HSF4: variants seen among roughly 807,000 people sequenced by gnomAD.
HSF4 encodes heat shock transcription factor 4, also known as heat shock factor protein 4.
Under a neutral mutation model 52.0 loss-of-function variants are expected in HSF4, and 41 were observed. That is an observed-to-expected ratio of 0.79 (90% CI 0.61 to 1.02). The LOEUF is 1.02. HSF4 is among the 50% of genes least tolerant of loss of function. The pLI, the probability that HSF4 is intolerant of heterozygous loss-of-function variation, is 0.00. For synonymous variants in HSF4, 285 were observed against 273.0 expected (o/e 1.04, Z -0.43); for missense variants, 610 against 651.1 (o/e 0.94, Z 0.69).
In HSF4 at chr16:67,168,832, G is replaced by A; in HGVS notation, c.1084G>A (p.Gly362Arg). Residue 362 changes from glycine to arginine, a missense_variant and splice_region_variant, in exon 10 of 13, where the codon GGG (glycine) becomes AGG (arginine). Physicochemically the swap from Gly to Arg is moderately radical, Grantham distance 125. Coordinates refer to ENST00000521374, the MANE Select transcript of HSF4 (RefSeq NM_001374675.1). ...CCAAAAGCAGTTCTGTCTGCACAGGGGGCCTCTGGGCCTGGAAAGCGGGGA... is the reference window on the plus strand; with the variant it reads ...CCAAAAGCAGTTCTGTCTGCACAGGAGGCCTCTGGGCCTGGAAAGCGGGGA... ...PGDPREIPDR[G>R]PLGLESGDRS... The A allele has an allele frequency of 6.2e-7, 1 of 1,613,182 alleles. No homozygotes were observed. Among genetic ancestry groups the A allele is most frequent in the Admixed American group, 1.7e-5 (1 of 60,022 alleles).
chr16:67,167,140 G>A lies in HSF4; in HGVS notation c.647G>A (p.Gly216Glu), dbSNP rs757241471. 2 of 1,614,146 alleles carry A rather than the reference G, an allele frequency of 1.2e-6. No homozygotes were observed. Among genetic ancestry groups the A allele is most frequent in the Non-Finnish European group, 1.7e-6 (2 of 1,179,994 alleles). Residue 216 changes from glycine (G) to glutamate (E), a missense_variant, in exon 7 of 13, where the codon GGG becomes GAG. By Grantham distance (98) the Gly-to-Glu change is moderately conservative. Coordinates refer to ENST00000521374, the MANE Select transcript of HSF4 (RefSeq NM_001374675.1). The part of the protein sequence containing the change: ...KRKLSLMLDE[G>E]SSCPTPAKFN... ...CACAGGTCCCTGATGCTGGATGAGG[G>A]GAGCTCATGCCCAACACCTGCCAAG...
At chr16:67,164,563 A>ACCCCCCCCCCCCCCCCCC, upstream of HSF4, 1 of 209,978 alleles carries the variant, frequency 4.8e-6, no homozygotes, top group Non-Finnish European at 9.7e-6. Context: ...ACCCCACCCC[A>ACCCCCCCCCCCCCCCCCC]CCCCACTCCA....
upstream of HSF4, chr16:67,163,984 G>T (rs1385553409): frequency 6.1e-5 from 63 of 1,036,878 alleles, no homozygotes; most frequent in East Asian, 1.6e-3. Flanking sequence ...AGTCCTGGGC[G>T]CCCTGAGACC....
At position 67,167,766 on chromosome 16, in the gene HSF4, G is replaced by T. The variant is rs1161182194; in HGVS notation, c.901G>T (p.Gly301Trp). 3 of 1,605,178 alleles carry T rather than the reference G, an allele frequency of 1.9e-6. No individual in the cohort carries two copies. Among genetic ancestry groups the T allele is most frequent in the Non-Finnish European group, 8.5e-7 (1 of 1,176,344 alleles). Residue 301 changes from glycine to tryptophan, a missense_variant, in exon 9 of 13, where the codon GGG (glycine) becomes TGG (tryptophan). Physicochemically the swap from Gly to Trp is radical, Grantham distance 184 (BLOSUM62 -2). Coordinates refer to ENST00000521374, the MANE Select transcript of HSF4 (RefSeq NM_001374675.1). The stretch of plus-strand genomic sequence containing the variant: ...CAAAGAAGAGCCGGCCAGTCCAGGG[G>T]GGGATGGCGAGGCCGGGCTGGCCCT... Reference protein sequence around the residue: ...LLKEEPASPGGDGEAGLALAP... With the variant: ...LLKEEPASPGWDGEAGLALAP...
At position 67,168,948 on chromosome 16, in the gene HSF4, T is replaced by G. The variant is rs973020718; in HGVS notation, c.1188+12T>G. ...CAGGGCCTCTAGATGTGAGTACCCC[T>G]TCTGCTGAAACAGGGGCATGAGACC... On this transcript the variant is annotated intron_variant, in intron 10 of 12. Transcript: ENST00000521374. 1 of 1,613,528 alleles carries G rather than the reference T, an allele frequency of 6.2e-7. No homozygotes were observed. Among genetic ancestry groups the G allele is most frequent in the African/African-American group, 1.3e-5 (1 of 75,020 alleles).
At position 67,167,234 on chromosome 16, in the gene HSF4, T is replaced by C. The variant is rs2031371789; in HGVS notation, c.729+12T>C. 2 of 1,614,092 alleles carry C rather than the reference T, an allele frequency of 1.2e-6. No homozygotes were observed. Among genetic ancestry groups the C allele is most frequent in the Non-Finnish European group, 8.5e-7 (1 of 1,180,006 alleles). On this transcript the variant is annotated intron_variant, in intron 7 of 12. Coordinates refer to ENST00000521374, the MANE Select transcript of HSF4 (RefSeq NM_001374675.1). ...ACTTCATCCAGTCGGTAGGTTTGTC[T>C]TCTTCCCCCTTCCCAAGGGCATGGC...
chr16:67,166,481 C>T, intron 5 of HSF4, 77 bp from the exon 6 acceptor site: 1 of 1,599,458 alleles, frequency 6.3e-7, no homozygotes, highest in Non-Finnish European at 8.6e-7. Context: ...CCTGTTAAGC[C>T]TTCCTCCCTC....
rs796371471 is a variant in HSF4 at position 67,165,161 on chromosome 16, G to C, written c.123+227G>C. 1.7e-6 allele frequency: 1 copy of C among 602,488 alleles called. No homozygotes were observed. Among genetic ancestry groups the C allele is most frequent in the Non-Finnish European group, 2.9e-6 (1 of 341,858 alleles). The allele number at this position is 602,488 out of a possible 1,614,324, so 37.3% of individuals were successfully genotyped here. ...GACCTAGAGTCCGAGGGACCTTCGA[G>C]GCCATTTAGTTCCCACCCTACCCCA... On this transcript the variant is annotated intron_variant, in intron 1 of 12. Transcript: ENST00000521374. The surrounding 1 kb of genome is among the most constrained non-coding windows in gnomAD (Gnocchi z 6.9).
rs755973098 is a variant in HSF4 at position 67,165,639 on chromosome 16, C to T, written c.232+9C>T. 2.5e-6 allele frequency: 4 copies of T among 1,612,714 alleles called. No individual in the cohort carries two copies. Among genetic ancestry groups the T allele is most frequent in the African/African-American group, 1.3e-5 (1 of 74,934 alleles). Reference sequence around the variant, plus strand: ...GCGCCAACTCAACATGTGTGAGTCCCTACGGCCGGGCGGGGAGCGGGGATG... The same window carrying T: ...GCGCCAACTCAACATGTGTGAGTCCTTACGGCCGGGCGGGGAGCGGGGATG... On this transcript the variant is annotated intron_variant, in intron 2 of 12. Coordinates refer to ENST00000521374, the MANE Select transcript of HSF4 (RefSeq NM_001374675.1). The surrounding 1 kb of genome is among the most constrained non-coding windows in gnomAD (Gnocchi z 6.9).
In HSF4 at chr16:67,169,479, G is replaced by A; in HGVS notation, c.1324+131G>A. On this transcript the variant is annotated intron_variant, in intron 12 of 12. Transcript: ENST00000521374. This position sits in a 1 kb window ranked among gnomAD's most constrained non-coding sequence, Gnocchi z 4.3. The stretch of plus-strand genomic sequence containing the variant: ...GGCTGCACTGCAGAGCGTTCCTTGA[G>A]CCACCCATGCCCTCACCATTGGGCG... 2 of 1,573,710 alleles carry A rather than the reference G, an allele frequency of 1.3e-6. No homozygotes were observed. The highest frequency in any genetic ancestry group is 1.7e-6 in the Non-Finnish European group (2 of 1,163,616).
rs746400816 is a variant in HSF4, at chr16:67,165,835, G to A, written c.349G>A (p.Val117Met). ...VRGREQLLER[V>M]RRKVPALRGD... is the part of the protein sequence containing the mutation. Reference sequence around the variant, plus strand: ...CGGCCGCGAGCAGCTACTGGAGCGCGTGCGGCGCAAGGTGGGGGCGGCCTG... The same window carrying A: ...CGGCCGCGAGCAGCTACTGGAGCGCATGCGGCGCAAGGTGGGGGCGGCCTG... Residue 117 changes from valine to methionine, a missense_variant, in exon 3 of 13, where the codon GTG becomes ATG. Val to Met is a conservative substitution (Grantham distance 21). Coordinates refer to ENST00000521374, the MANE Select transcript of HSF4 (RefSeq NM_001374675.1). This position sits in a 1 kb window ranked among gnomAD's most constrained non-coding sequence, Gnocchi z 6.9. The A allele has an allele frequency of 6.9e-6, 11 of 1,604,816 alleles. No homozygotes were observed. The highest frequency in any genetic ancestry group is 9.3e-6 in the Non-Finnish European group (11 of 1,179,138).
At chr16:67,166,155 C>G (rs1189499226) in intron 4 of HSF4, 85 bp downstream of exon 4, 1 of 1,437,460 alleles carries the variant, frequency 7.0e-7, no homozygotes, top group Non-Finnish European at 9.4e-7. Flanking sequence ...TTCTGGGCAG[C>G]CCCTTCCTCT....
chr16:67,163,763 CTATACCCT>C (rs757171481), upstream of HSF4: 1 of 1,585,674 alleles, frequency 6.3e-7, no homozygotes, highest in Non-Finnish European at 8.5e-7. Context: ...GCCTGCGCAC[CTATACCCT>C]CAAGCTCACG....
In HSF4 at chr16:67,164,853, C is replaced by T; in HGVS notation, c.42C>T (p.Pro14=). The T allele has an allele frequency of 1.2e-6, 2 of 1,605,442 alleles. No individual in the cohort carries two copies. The highest frequency in any genetic ancestry group is 1.1e-5 in the South Asian group (1 of 90,456). ...APAALPTEPG[P]SPVPAFLGKL... ...CTGCGCTGCCCACGGAGCCAGGCCC[C>T]AGCCCCGTGCCTGCCTTCCTCGGCA... Residue 14 remains proline, a synonymous_variant, in exon 1 of 13, where the codon CCC becomes CCT. Transcript: ENST00000521374.
rs2031188848 is a variant in HSF4 at position 67,165,463 on chromosome 16, G to A, written c.124-59G>A. 2 of 1,475,990 alleles carry A rather than the reference G, an allele frequency of 1.4e-6. No homozygotes were observed. The highest frequency in any genetic ancestry group is 1.1e-5 in the South Asian group (1 of 88,320). The allele number at this position is 1,475,990 out of a possible 1,614,324, so 91.4% of individuals were successfully genotyped here. The stretch of plus-strand genomic sequence containing the variant: ...CTGGAGCGCAGGACTGGCCGTGAGC[G>A]GGCACCGCTCACCCTCCTGGTCTCC... On this transcript the variant is annotated intron_variant, in intron 1 of 12. Coordinates refer to ENST00000521374, the MANE Select transcript of HSF4 (RefSeq NM_001374675.1). This position sits in a 1 kb window ranked among gnomAD's most constrained non-coding sequence, Gnocchi z 6.9.
Position 67,165,139 on chromosome 16 carries a change from C to A in HSF4, c.123+205C>A, listed in dbSNP as rs1019788516. The stretch of plus-strand genomic sequence containing the variant: ...GGTTAGGAGCCTGCCTTCTGAAGAC[C>A]TAGAGTCCGAGGGACCTTCGAGGCC... On this transcript the variant is annotated intron_variant, in intron 1 of 12. Transcript: ENST00000521374. This position sits in a 1 kb window ranked among gnomAD's most constrained non-coding sequence, Gnocchi z 6.9. 1 of 626,476 alleles carries A rather than the reference C, an allele frequency of 1.6e-6. No homozygotes were observed. The highest frequency in any genetic ancestry group is 2.8e-6 in the Non-Finnish European group (1 of 363,156). The allele number at this position is 626,476 out of a possible 1,614,324, so 38.8% of individuals were successfully genotyped here. A position where few individuals can be genotyped will look rare whatever the true frequency, so the allele number is the denominator to read the frequency against.
chr16:67,168,805 G>A (rs1216068607), intron 9 of HSF4, 26 bp from the exon 10 acceptor site: 3 of 1,585,688 alleles, frequency 1.9e-6, no homozygotes, highest in Non-Finnish European at 2.6e-6. Context: ...GGACACTGCA[G>A]GCCAAAAGCA....
upstream of HSF4, chr16:67,164,455 A>G: frequency 2.0e-6 from 1 of 510,766 alleles, no homozygotes; most frequent in Non-Finnish European, 3.8e-6. Context: ...TGCCCAGCCC[A>G]CACCAGGTCG....
upstream of HSF4, chr16:67,164,672 C>T (rs2031105806): frequency 2.9e-6 from 3 of 1,021,848 alleles, no homozygotes; most frequent in Admixed American, 2.8e-5. Context: ...CCCCGCCCCG[C>T]GGGCTTGCAC....
Sources: gnomAD v4.1 joint callset for allele counts on GRCh38, gnomAD v4.1.1 for gene constraint, Gnocchi (gnomAD v3.1) non-coding constraint, MANE v1.5 for transcripts, NCBI Gene and HGNC (gene_info 2026-07-23, HGNC 2026-07-21) for gene names.